Variants in FRMPD4 observed in about 807,000 individuals in gnomAD.
FRMPD4 encodes the protein FERM and PDZ domain containing 4.
A neutral mutation model predicts 94.1 loss-of-function variants in FRMPD4; 22 were observed. That is an observed-to-expected ratio of 0.23 (90% CI 0.17 to 0.33). The LOEUF is 0.33. Among genes scored for constraint, FRMPD4 ranks in the 10% least tolerant of loss-of-function variants. FRMPD4 has a pLI of 1.00. For missense variants in FRMPD4, 1,111 were observed against 1,339.9 expected (o/e 0.83, Z 2.67); for synonymous variants, 631 against 548.6 (o/e 1.15, Z -2.10).
Position 12,721,609 on chromosome X carries a change from G to A in FRMPD4, c.5040G>A (p.Val1680=). 2 of 755,247 alleles carry A rather than the reference G, an allele frequency of 2.6e-6. No individual in the cohort carries two copies. Among genetic ancestry groups the A allele is most frequent in the Non-Finnish European group, 3.1e-6 (2 of 638,284 alleles). The allele number at this position is 755,247 out of a possible 1,213,427, so 62.2% of individuals were successfully genotyped here. A position where few individuals can be genotyped will look rare whatever the true frequency, so the allele number is the denominator to read the frequency against. The change falls in exon 17 of 17, where the codon GTG becomes GTA. Residue 1680 remains valine (V), a synonymous_variant. Coordinates refer to ENST00000675598, the MANE Select transcript of FRMPD4 (RefSeq NM_001368397.1). ...TAGCTATGACTTCCAGCTTTCAAGT[G>A]CTCTGTTGCCTAACAGAAGCTTGCA... ...MLLAMTSSFQ[V]LCCLTEACMR...
rs535655880 is a variant in FRMPD4, at chrX:12,217,736, A to C, written c.41+78724A>C. 2.0e-4 allele frequency among the ~76,000 whole-genome samples: 22 copies of C among 112,279 alleles called. 1 individual carries two copies. The South Asian group carries it at 6.7e-3, about 34-fold the overall frequency. On this transcript the variant is annotated intron_variant, in intron 1 of 16. Coordinates refer to ENST00000675598, the MANE Select transcript of FRMPD4 (RefSeq NM_001368397.1). ...AATAAAGTTTTATTGGAACGCAGTC[A>C]TGCCCATTCATTTACATGTTGTGCA...
At chrX:12,621,053 T>C (rs73196383) in intron 4 of FRMPD4, among the ~76,000 whole-genome samples, 38,596 of 109,465 alleles carry the variant, frequency 0.35, 6,507 homozygotes, top group Non-Finnish European at 0.51. Flanking sequence ...ACATCCAGTC[T>C]CTACTAAAAA....
intron 1 of FRMPD4, among the ~76,000 whole-genome samples, chrX:12,169,632 C>G (rs6640923): frequency 8.9e-6 from 1 of 111,785 alleles, no homozygotes; most frequent in African/African-American, 3.2e-5. Flanking sequence ...ATTGTATGTT[C>G]TATTAGGTCT....
intron 2 of FRMPD4, among the ~76,000 whole-genome samples, chrX:12,534,255 G>C (rs746577444): frequency 1.8e-5 from 2 of 113,001 alleles, no homozygotes; most frequent in East Asian, 5.6e-4. Context: ...CCTCTGCCTA[G>C]ATTTCAGAAG....
intron 1 of FRMPD4, among the ~76,000 whole-genome samples, chrX:12,258,919 C>T (rs1317101567): frequency 9.0e-6 from 1 of 111,438 alleles, no homozygotes; most frequent in Non-Finnish European, 1.9e-5. Flanking sequence ...TTCCTTCTAT[C>T]TAAGTGTATT....
chrX:11,859,647 G>C (rs1471124910), intron 1 of FRMPD4, among the ~76,000 whole-genome samples: 2 of 112,050 alleles, frequency 1.8e-5, no homozygotes, highest in Non-Finnish European at 3.8e-5. Flanking sequence ...TCAAAGTCAG[G>C]AAGGAATTAC....
chrX:11,981,445 A>G (rs779824341), intron 3 of FRMPD4, among the ~76,000 whole-genome samples: 1 of 111,079 alleles, frequency 9.0e-6, no homozygotes, highest in African/African-American at 3.3e-5. Context: ...TGATCTTTTT[A>G]TCTTTATGTA....
At chrX:11,896,715 A>G (rs1448080759) in intron 3 of FRMPD4, among the ~76,000 whole-genome samples, 1 of 112,309 alleles carries the variant, frequency 8.9e-6, no homozygotes, top group Non-Finnish European at 1.9e-5. Context: ...TGCGTAGTTC[A>G]TGTCAAGTGA....
intron 1 of FRMPD4, among the ~76,000 whole-genome samples, chrX:12,201,916 T>A (rs924110675): frequency 1.6e-4 from 18 of 112,074 alleles, no homozygotes; most frequent in Non-Finnish European, 3.4e-4. Flanking sequence ...TGGCTTGTAT[T>A]CTTCCAGAAT....
intron 3 of FRMPD4, among the ~76,000 whole-genome samples, chrX:11,913,454 T>C (rs1162088304): frequency 8.9e-6 from 1 of 112,213 alleles, no homozygotes; most frequent in East Asian, 2.8e-4. Flanking sequence ...TGATGGACAG[T>C]GAAGATTATG....
At chrX:11,862,569 T>C (rs758087288) in intron 1 of FRMPD4, among the ~76,000 whole-genome samples, 1 of 110,697 alleles carries the variant, frequency 9.0e-6, no homozygotes, top group African/African-American at 3.3e-5. Context: ...GCTCCTACAG[T>C]CTATAATCCC....
At chrX:12,320,193 G>A (rs1256963160) in intron 1 of FRMPD4, among the ~76,000 whole-genome samples, 1 of 111,652 alleles carries the variant, frequency 9.0e-6, no homozygotes, top group African/African-American at 3.3e-5. Context: ...AATGACTTTT[G>A]AGTCTAAAGC....
intron 2 of FRMPD4, among the ~76,000 whole-genome samples, chrX:12,525,029 C>A (rs903803605): frequency 9.0e-6 from 1 of 111,315 alleles, no homozygotes; most frequent in African/African-American, 3.3e-5. Context: ...CAAGATAATT[C>A]TTCTTCTTCC....
rs776961749 is a variant in FRMPD4 at position 12,718,087 on chromosome X, C to T, written c.3261C>T (p.Arg1087=). 2.2e-5 allele frequency: 26 copies of T among 1,208,591 alleles called. No individual in the cohort carries two copies. The South Asian group carries it at 4.4e-4, about 20-fold the overall frequency. The change falls in exon 16 of 17, where the codon CGC becomes CGT. Residue 1087 remains arginine, a synonymous_variant. Coordinates refer to ENST00000675598, the MANE Select transcript of FRMPD4 (RefSeq NM_001368397.1). ...STFNLERTAF[R]KDSQRWYVAT... ...TTAATCTGGAGAGAACTGCCTTTCG[C>T]AAGGACAGTCAAAGATGGTATGTGG...
At chrX:12,442,385 G>A (rs2057147908) in intron 1 of FRMPD4, among the ~76,000 whole-genome samples, 1 of 111,037 alleles carries the variant, frequency 9.0e-6, no homozygotes, top group Admixed American at 9.7e-5. Context: ...AATAAGTACA[G>A]AGAAAATTAA....
chrX:12,114,910 A>G (rs192881040), intron 3 of FRMPD4, among the ~76,000 whole-genome samples: 35 of 112,547 alleles, frequency 3.1e-4, no homozygotes, highest in South Asian at 1.1e-3. Context: ...GAATATTGCT[A>G]TAGCACAGTA....
chrX:12,313,552 T>G (rs947282824), intron 1 of FRMPD4, among the ~76,000 whole-genome samples: 1 of 112,646 alleles, frequency 8.9e-6, no homozygotes, highest in African/African-American at 3.2e-5. Flanking sequence ...ATAGGAGGAA[T>G]GAGCAAATGG....
At chrX:12,097,971 T>C (rs2040091930) in intron 3 of FRMPD4, among the ~76,000 whole-genome samples, 1 of 111,996 alleles carries the variant, frequency 8.9e-6, no homozygotes, top group African/African-American at 3.2e-5. Context: ...ATCAATTGTG[T>C]TTAACTTTTT....
chrX:11,839,464 T>C (rs1396007631), intron 1 of FRMPD4, among the ~76,000 whole-genome samples: 1 of 111,762 alleles, frequency 8.9e-6, no homozygotes, highest in Admixed American at 9.5e-5. Context: ...ATTACTGAGT[T>C]GCAAGAGTTC....
Sources: allele counts gnomAD v4.1 joint callset (sites outside exome capture counted in the v4.1 genomes callset), GRCh38; gene constraint gnomAD v4.1.1; transcripts MANE v1.5; gene names NCBI Gene and HGNC (gene_info 2026-07-23, HGNC 2026-07-21).